PLOD1: variants seen among roughly 807,000 people sequenced by gnomAD.
PLOD1 encodes procollagen-lysine,2-oxoglutarate 5-dioxygenase 1.
In PLOD1, 70 loss-of-function variants were observed where a neutral mutation model predicts 94.7. That is an observed-to-expected ratio of 0.74 (90% CI 0.61 to 0.90). PLOD1 has a LOEUF of 0.90. Ranked by LOEUF, PLOD1 falls within the 40% of genes least tolerant of loss-of-function variation. The pLI is 0.00. For missense variants in PLOD1, 905 were observed against 972.7 expected, an observed-to-expected ratio of 0.93 and a Z score of 0.93; for synonymous variants, 417 against 400.2, an observed-to-expected ratio of 1.04 and a Z score of -0.50.
Position 11,974,474 on chromosome 1 carries a change from C to T in PLOD1, c.2029-179C>T, listed in dbSNP as rs56868043. On this transcript the variant is annotated intron_variant, in intron 18 of 18. Coordinates refer to ENST00000196061, the MANE Select transcript of PLOD1 (RefSeq NM_000302.4). The stretch of plus-strand genomic sequence containing the variant: ...CTGGGATTACAGGCGTGAGCCACCA[C>T]TCCTGGCCACTACTCTTCATTTAGT... 6.9e-3 allele frequency among the ~76,000 whole-genome samples: 1,051 copies of T among 152,326 alleles called. 8 individuals carry two copies. Among genetic ancestry groups the T allele is most frequent in the African/African-American group, 0.024 (985 of 41,576 alleles).
At chr1:11,970,898 G>A in intron 17 of PLOD1, 82 bp downstream of exon 17, 1 of 1,368,798 alleles carries the variant, frequency 7.3e-7, no homozygotes, top group Non-Finnish European at 1.0e-6. Context: ...GTGGGGGTAG[G>A]GTGGGAGGTG....
chr1:11,967,638 A>G (rs1170726440), intron 16 of PLOD1, among the ~76,000 whole-genome samples: 3 of 97,654 alleles, frequency 3.1e-5, no homozygotes, highest in Non-Finnish European at 6.1e-5. Flanking sequence ...TATAGATTTT[A>G]TTTATATATA....
chr1:11,965,928 C>A (rs1200530265), intron 14 of PLOD1, among the ~76,000 whole-genome samples: 1 of 152,198 alleles, frequency 6.6e-6, no homozygotes, highest in Non-Finnish European at 1.5e-5. Context: ...GCCTGTCTTA[C>A]CCATGAGGGT....
At chr1:11,970,477 C>A (rs78511021) in intron 16 of PLOD1, among the ~76,000 whole-genome samples, 193 bp from the exon 17 acceptor site, 4 of 151,948 alleles carry the variant, frequency 2.6e-5, no homozygotes, top group Non-Finnish European at 5.9e-5. Flanking sequence ...GTAGGTCAGG[C>A]CCCCCCAGGA....
chr1:11,948,207 A>G, intron 2 of PLOD1, 140 bp downstream of exon 2: 1 of 712,618 alleles, frequency 1.4e-6, no homozygotes, highest in Non-Finnish European at 2.6e-6. Flanking sequence ...AAGGATGAAA[A>G]TGAGTTAGTC....
intron 9 of PLOD1, 28 bp from the exon 10 acceptor site, chr1:11,960,618 G>GC: frequency 9.9e-7 from 1 of 1,005,430 alleles, no homozygotes; most frequent in Non-Finnish European, 1.6e-6. Context: ...CCTCACCCCC[G>GC]CATCCCCTTC....
At chr1:11,960,530 G>C in intron 9 of PLOD1, 116 bp from the exon 10 acceptor site, 1 of 790,074 alleles carries the variant, frequency 1.3e-6, no homozygotes, top group South Asian at 1.4e-5. Flanking sequence ...GCAGATGGCC[G>C]GGGTGCCAGA....
intron 13 of PLOD1, among the ~76,000 whole-genome samples, chr1:11,965,122 C>G (rs1030373996): frequency 4.3e-4 from 65 of 151,826 alleles, no homozygotes; most frequent in Middle Eastern, 3.4e-3. Flanking sequence ...CACCCTGTCT[C>G]TGCGCCCCAC....
Position 11,964,690 on chromosome 1 carries a change from G to C in PLOD1, c.1375G>C (p.Gly459Arg), listed in dbSNP as rs1286580649. The C allele has an allele frequency of 6.2e-7, 1 of 1,613,378 alleles. No individual in the cohort carries two copies. The highest frequency in any genetic ancestry group is 2.2e-5 in the East Asian group (1 of 44,894). ...PYISNIYLIK[G>R]SALRGELQSS... Reference sequence around the variant, plus strand: ...TATTTCAAACATCTACTTGATCAAGGGCAGTGCCCTGCGGGGTGAGCTGCA... The same window carrying C: ...TATTTCAAACATCTACTTGATCAAGCGCAGTGCCCTGCGGGGTGAGCTGCA... The change falls in exon 13 of 19, where the codon GGC becomes CGC. Residue 459 changes from glycine (G) to arginine (R), a missense_variant. Gly to Arg is a moderately radical substitution (Grantham distance 125, BLOSUM62 -2). Coordinates refer to ENST00000196061, the MANE Select transcript of PLOD1 (RefSeq NM_000302.4).
In PLOD1 at chr1:11,972,817, C is replaced by G; in HGVS notation, c.1903-55C>G. On this transcript the variant is annotated intron_variant, in intron 17 of 18. Coordinates refer to ENST00000196061, the MANE Select transcript of PLOD1 (RefSeq NM_000302.4). The surrounding 1 kb of genome is among the most constrained non-coding windows in gnomAD (Gnocchi z 4.6). The stretch of plus-strand genomic sequence containing the variant: ...CCATGTGTGCACCCTCCTCTCCTGG[C>G]CTTTGTGTCCTCCTTAACTAACACG... 1 of 1,609,266 alleles carries G rather than the reference C, an allele frequency of 6.2e-7. No homozygotes were observed. Among genetic ancestry groups the G allele is most frequent in the South Asian group, 1.1e-5 (1 of 90,890 alleles).
intron 18 of PLOD1, among the ~76,000 whole-genome samples, chr1:11,973,828 C>T (rs1645883675): frequency 6.6e-6 from 1 of 151,730 alleles, no homozygotes; most frequent in Non-Finnish European, 1.5e-5. Context: ...TTACAACAAA[C>T]ATATCAGGCA....
chr1:11,948,458 C>G (rs72640302), intron 2 of PLOD1, among the ~76,000 whole-genome samples: 39,480 of 151,994 alleles, frequency 0.26, 7,517 homozygotes, highest in African/African-American at 0.54. Flanking sequence ...TGAGTGGTCC[C>G]GCACAGGGGC....
intron 4 of PLOD1, among the ~76,000 whole-genome samples, chr1:11,952,096 T>TGGCCCA (rs1192645769): frequency 2.0e-5 from 3 of 152,340 alleles, no homozygotes; most frequent in African/African-American, 7.2e-5. Context: ...GGCCTTGCCC[T>TGGCCCA]GGCCCAGGCC....
chr1:11,950,954 C>T (rs77549647), intron 4 of PLOD1, among the ~76,000 whole-genome samples: 21,887 of 152,032 alleles, frequency 0.14, 2,437 homozygotes, highest in African/African-American at 0.31. Flanking sequence ...CCACTATGCC[C>T]GGCTAATTTT....
Position 11,970,741 on chromosome 1 carries a change from G to A in PLOD1, c.1827G>A (p.Glu609=). 1 of 1,612,466 alleles carries A rather than the reference G, an allele frequency of 6.2e-7. No individual in the cohort carries two copies. The change falls in exon 17 of 19, where the codon GAG becomes GAA. Residue 609 remains glutamate (E), a synonymous_variant. Coordinates refer to ENST00000196061, the MANE Select transcript of PLOD1 (RefSeq NM_000302.4). ...TCCACATGAACCAGATCGGCTTTGA[G>A]CGGGAGTGGCACAAATTCCTGCTGG... ...IDIHMNQIGF[E]REWHKFLLEY... is the part of the protein sequence containing the mutation.
intron 18 of PLOD1, among the ~76,000 whole-genome samples, chr1:11,973,816 G>C (rs966296201): frequency 5.3e-5 from 8 of 151,536 alleles, no homozygotes; most frequent in African/African-American, 1.9e-4. Flanking sequence ...TTTTTTGAGA[G>C]CTTACAACAA....
At chr1:11,967,119 C>T (rs750714126) in intron 16 of PLOD1, 28 bp downstream of exon 16, 31 of 1,418,566 alleles carry the variant, frequency 2.2e-5, no homozygotes, top group Admixed American at 3.3e-5. Flanking sequence ...GGGCTGGGGC[C>T]GCAGGGAGGC....
At chr1:11,949,237 G>C (rs983878240) in intron 2 of PLOD1, among the ~76,000 whole-genome samples, 3 of 152,102 alleles carry the variant, frequency 2.0e-5, no homozygotes, top group Admixed American at 6.6e-5. Context: ...GGCGCTGATA[G>C]GCCATGCTGG....
At chr1:11,968,195 C>T (rs368303234) in intron 16 of PLOD1, among the ~76,000 whole-genome samples, 194 of 152,228 alleles carry the variant, frequency 1.3e-3, no homozygotes, top group African/African-American at 4.5e-3. Flanking sequence ...CTCAGGTAAG[C>T]TACCCACCTC....
Sources: gnomAD v4.1 joint callset for allele counts (sites outside exome capture counted in the v4.1 genomes callset) on GRCh38, gnomAD v4.1.1 for gene constraint, Gnocchi (gnomAD v3.1) non-coding constraint, MANE v1.5 for transcripts, NCBI Gene and HGNC (gene_info 2026-07-23, HGNC 2026-07-21) for gene names.